Variants in ARMC6 observed in about 807,000 individuals in gnomAD.
The protein encoded by ARMC6 is armadillo repeat-containing protein 6.
Under a neutral mutation model 49.2 loss-of-function variants are expected in ARMC6, and 43 were observed. The ratio of observed to expected loss-of-function variants is 0.87; its 90% CI spans 0.69 to 1.13. The LOEUF (loss-of-function observed/expected upper bound fraction) is 1.13. ARMC6 is among the 50% of genes most tolerant of loss of function. The pLI is 0.00. For missense variants in ARMC6, 627 were observed against 682.0 expected (o/e 0.92, Z 0.90); for synonymous variants, 262 against 289.6 (o/e 0.90, Z 0.97).
intron 3 of ARMC6, among the ~76,000 whole-genome samples, chr19:19,043,529 G>T (rs185280096): frequency 4.7e-4 from 71 of 152,298 alleles, no homozygotes; most frequent in Admixed American, 3.6e-3. Context: ...TAGGCACAGA[G>T]TGGGGTATAG....
chr19:19,046,925 C>CGGTT (rs2059454900), intron 4 of ARMC6, among the ~76,000 whole-genome samples: 1 of 17,218 alleles, frequency 5.8e-5, no homozygotes, highest in African/African-American at 3.7e-4. Flanking sequence ...ACATGCTCAC[C>CGGTT]TGTTTTTTTT....
chr19:19,045,683 G>T (rs189975996), intron 4 of ARMC6, among the ~76,000 whole-genome samples: 178 of 145,896 alleles, frequency 1.2e-3, no homozygotes, highest in African/African-American at 4.1e-3. Flanking sequence ...ACAGAGTCTC[G>T]CTCTGTCACC....
rs547962054 is a variant in ARMC6, at chr19:19,055,944, G to A, written c.1293+16G>A. The A allele has an allele frequency of 5.0e-6, 8 of 1,601,848 alleles. No individual in the cohort carries two copies. The highest frequency in any genetic ancestry group is 6.8e-6 in the Non-Finnish European group (8 of 1,177,154). The stretch of plus-strand genomic sequence containing the variant: ...CGGCGTGCAGGTGGGCAGGGCAGGG[G>A]ATGGGGGCAGGCAGGCTGGTGTGGG... On this transcript the variant is annotated intron_variant, in intron 8 of 8. Transcript: ENST00000535612. This position sits in a 1 kb window ranked among gnomAD's most constrained non-coding sequence, Gnocchi z 5.7.
At chr19:19,046,245 G>A (rs1053730580) in intron 4 of ARMC6, among the ~76,000 whole-genome samples, 8 of 151,954 alleles carry the variant, frequency 5.3e-5, no homozygotes, top group African/African-American at 1.9e-4. Flanking sequence ...CGCCCAGGCT[G>A]GAGTGCAGTG....
intron 1 of ARMC6, 43 bp from the exon 2 acceptor site, chr19:19,034,088 C>T (rs1181744211): frequency 5.8e-6 from 4 of 692,186 alleles, no homozygotes; most frequent in African/African-American, 5.5e-5. Flanking sequence ...CTCGGCTTCC[C>T]TGGCATTCGC....
At chr19:19,039,307 T>A in intron 2 of ARMC6, 1 of 442,926 alleles carries the variant, frequency 2.3e-6, no homozygotes, top group South Asian at 1.6e-5. Context: ...ACTATATTTT[T>A]AAATTTTTTT....
chr19:19,040,891 G>A, intron 2 of ARMC6: 1 of 235,212 alleles, frequency 4.3e-6, no homozygotes, highest in Non-Finnish European at 9.1e-6. Context: ...CATCCCTTAG[G>A]GTTTGGAAGC....
chr19:19,051,743 A>G lies in ARMC6; in HGVS notation c.401A>G (p.Lys134Arg). ...DKACRFLAAQ[K>R]GAYPIIFTAW... ...GCCTGCCGCTTCCTCGCGGCCCAGA[A>G]GGGGGCCTACCCCATCATCTTCACT... Residue 134 changes from lysine to arginine, a missense_variant, in exon 5 of 9, where the codon AAG becomes AGG. Coordinates refer to ENST00000535612, the MANE Select transcript of ARMC6 (RefSeq NM_001199196.2). 6.2e-7 allele frequency: 1 copy of G among 1,614,016 alleles called. No individual in the cohort carries two copies.
At chr19:19,037,548 A>G (rs1310697147) in intron 2 of ARMC6, 8 of 773,098 alleles carry the variant, frequency 1.0e-5, no homozygotes, top group African/African-American at 1.8e-5. Context: ...GGTATTTTTT[A>G]TAGAGATGGA....
rs578152210 is a variant in ARMC6 at position 19,044,018 on chromosome 19, A to T, written c.223A>T (p.Thr75Ser). 2 of 1,614,078 alleles carry T rather than the reference A, an allele frequency of 1.2e-6. No individual in the cohort carries two copies. The highest frequency in any genetic ancestry group is 2.2e-5 in the South Asian group (2 of 91,088). ...GGTTGATCTGAGCAACATTGTAAAGACGGCACCTAAAGTCTCTGCAGACGG... is the reference window on the plus strand; with the variant it reads ...GGTTGATCTGAGCAACATTGTAAAGTCGGCACCTAAAGTCTCTGCAGACGG... ...QGVDLSNIVK[T>S]APKVSADGSQ... The change falls in exon 4 of 9, where the codon ACG (threonine) becomes TCG (serine). Residue 75 changes from threonine to serine, a missense_variant. By Grantham distance (58) the Thr-to-Ser change is moderately conservative. Coordinates refer to ENST00000535612, the MANE Select transcript of ARMC6 (RefSeq NM_001199196.2).
chr19:19,035,097 C>G (rs1410222944), intron 2 of ARMC6, among the ~76,000 whole-genome samples: 1 of 152,196 alleles, frequency 6.6e-6, no homozygotes, highest in Non-Finnish European at 1.5e-5. Context: ...ATCTCCTGAC[C>G]TCATGATCCG....
intron 8 of ARMC6, among the ~76,000 whole-genome samples, chr19:19,056,285 A>T (rs2059544138): frequency 2.2e-5 from 3 of 135,340 alleles, no homozygotes; most frequent in Admixed American, 7.6e-5. Context: ...TTTTTTTGAG[A>T]CAGTCTCACT....
intron 6 of ARMC6, among the ~76,000 whole-genome samples, chr19:19,054,996 T>C (rs2059531420): frequency 6.6e-6 from 1 of 152,172 alleles, no homozygotes; most frequent in South Asian, 2.1e-4. Flanking sequence ...TCTGTGGCCG[T>C]GGACAGGGGG....
Position 19,057,853 on chromosome 19 carries a change from G to A in ARMC6, c.*225G>A. 1.4e-6 allele frequency: 1 copy of A among 708,536 alleles called. No individual in the cohort carries two copies. The highest frequency in any genetic ancestry group is 1.5e-5 in the South Asian group (1 of 65,670). 43.9% of individuals were successfully genotyped at this position (708,536 alleles called of 1,614,324 possible). A position where few individuals can be genotyped will look rare whatever the true frequency, so the allele number is the denominator to read the frequency against. On this transcript the variant is annotated 3_prime_UTR_variant, in exon 9 of 9. Coordinates refer to ENST00000535612, the MANE Select transcript of ARMC6 (RefSeq NM_001199196.2). The stretch of plus-strand genomic sequence containing the variant: ...CCCAGCCACTTCTGGGTCCCAGCCA[G>A]CAGCACGGATGTTACTGTCCTGCTC...
rs748277248 is a variant in ARMC6, at chr19:19,051,962, T to C, written c.620T>C (p.Leu207Pro). The change falls in exon 5 of 9, where the codon CTG becomes CCG. Residue 207 changes from leucine (L) to proline (P), a missense_variant. Coordinates refer to ENST00000535612, the MANE Select transcript of ARMC6 (RefSeq NM_001199196.2). ...SGIRCVRHAC[L>P]KHEQNRQDLV... ...ATCCGCTGTGTGCGTCACGCTTGCCTGAAACATGAACAGAATCGGCAAGAC... is the reference window on the plus strand; with the variant it reads ...ATCCGCTGTGTGCGTCACGCTTGCCCGAAACATGAACAGAATCGGCAAGAC... The C allele has an allele frequency of 6.2e-7, 1 of 1,613,998 alleles. No individual in the cohort carries two copies.
At chr19:19,048,954 CAT>C (rs1425755252) in intron 4 of ARMC6, among the ~76,000 whole-genome samples, 1 of 151,922 alleles carries the variant, frequency 6.6e-6, no homozygotes, top group African/African-American at 2.4e-5. Flanking sequence ...TAAAATGAGA[CAT>C]ATTTGACCGC....
At chr19:19,039,541 C>T (rs1442815406) in intron 2 of ARMC6, 1 of 194,438 alleles carries the variant, frequency 5.1e-6, no homozygotes, top group African/African-American at 2.4e-5. Context: ...TTAGAAGTTA[C>T]TCCCCATTCC....
intron 5 of ARMC6, among the ~76,000 whole-genome samples, chr19:19,052,526 G>T (rs765071458): frequency 5.3e-5 from 8 of 152,206 alleles, no homozygotes; most frequent in Admixed American, 2.0e-4. Flanking sequence ...GAGGACTCGG[G>T]GGGGCTGGCT....
Position 19,057,825 on chromosome 19 carries a change from T to TGTCCCAGCCACTTCTGG in ARMC6, c.*208_*224dup. The TGTCCCAGCCACTTCTGG allele has an allele frequency of 1.3e-6, 1 of 746,544 alleles. No homozygotes were observed. The highest frequency in any genetic ancestry group is 1.4e-5 in the South Asian group (1 of 70,224). 46.2% of individuals were successfully genotyped at this position (746,544 alleles called of 1,614,324 possible). A position where few individuals can be genotyped will look rare whatever the true frequency, so the allele number is the denominator to read the frequency against. ...TCTACACAGAAGAAAGCAGCCCCCATGTCCCAGCCACTTCTGGGTCCCAGC... is the reference window on the plus strand; with the variant it reads ...TCTACACAGAAGAAAGCAGCCCCCATGTCCCAGCCACTTCTGGGTCCCAGCCACTTCTGGGTCCCAGC... On this transcript the variant is annotated 3_prime_UTR_variant, in exon 9 of 9. Transcript: ENST00000535612.
Sources: gnomAD v4.1 joint callset for allele counts (sites outside exome capture counted in the v4.1 genomes callset) on GRCh38, gnomAD v4.1.1 for gene constraint, Gnocchi (gnomAD v3.1) non-coding constraint, MANE v1.5 for transcripts, NCBI Gene and HGNC (gene_info 2026-07-23, HGNC 2026-07-21) for gene names.